The following BTN3A2 variants were observed in gnomAD, a reference collection of about 807,000 sequenced individuals.
BTN3A2 encodes the protein butyrophilin subfamily 3 member A2.
A neutral mutation model predicts 37.6 loss-of-function variants in BTN3A2; 25 were observed. That is an observed-to-expected ratio of 0.66 (90% confidence interval 0.48 to 0.93). The LOEUF is 0.93. Ranked by LOEUF, BTN3A2 falls within the 40% of genes least tolerant of loss-of-function variation. The probability of loss-of-function intolerance (pLI) is 0.00; values close to 1 mark genes in which losing one functional copy is unlikely to be tolerated. For synonymous variants in BTN3A2, 122 were observed against 159.4 expected (o/e 0.77, Z 1.77); for missense variants, 266 against 410.9 (o/e 0.65, Z 3.05).
rs1349439489 is a variant in BTN3A2, at chr6:26,368,016, G to C, written c.-40G>C. 6.9e-7 allele frequency: 1 copy of C among 1,444,724 alleles called. No homozygotes were observed. The highest frequency in any genetic ancestry group is 2.5e-5 in the East Asian group (1 of 40,006). 89.5% of individuals were successfully genotyped at this position (1,444,724 alleles called of 1,614,324 possible). ...TGGTTTTCCATACTGGAACCCAAAG[G>C]TAAAGACACTCAAGGACAGACATTT... On this transcript the variant is annotated 5_prime_UTR_variant, in exon 2 of 11. Coordinates refer to ENST00000377708, the MANE Select transcript of BTN3A2 (RefSeq NM_007047.5).
rs1489186077 is a variant in BTN3A2 at position 26,377,273 on chromosome 6, A to G, written c.*1511A>G. On this transcript the variant is annotated 3_prime_UTR_variant, in exon 11 of 11. Transcript: ENST00000377708. ...CCCTCCACAACAGCCAGTCAGAACC[A>G]TAAAGCTACAGGCACACACTGAAGC... The G allele has an allele frequency of 8.9e-6, 7 of 782,750 alleles. No individual in the cohort carries two copies. The highest frequency in any genetic ancestry group is 2.6e-5 in the East Asian group (1 of 39,066). 48.5% of individuals were successfully genotyped at this position (782,750 alleles called of 1,614,324 possible). A position where few individuals can be genotyped will look rare whatever the true frequency, so the allele number is the denominator to read the frequency against.
intron 1 of BTN3A2, among the ~76,000 whole-genome samples, chr6:26,366,359 A>C (rs967292554): frequency 1.3e-5 from 2 of 152,242 alleles, no homozygotes; most frequent in African/African-American, 4.8e-5. Flanking sequence ...GGGGGCAAAT[A>C]ATACAACATT....
At chr6:26,371,201 G>A (rs1760077378) in intron 5 of BTN3A2, among the ~76,000 whole-genome samples, 1 of 152,144 alleles carries the variant, frequency 6.6e-6, no homozygotes, top group Non-Finnish European at 1.5e-5. Flanking sequence ...GGCAGACGTT[G>A]CAGTGAGTGA....
Position 26,375,948 on chromosome 6 carries a change from T to A in BTN3A2, c.*186T>A. 1 of 1,294,364 alleles carries A rather than the reference T, an allele frequency of 7.7e-7. No homozygotes were observed. Among genetic ancestry groups the A allele is most frequent in the Non-Finnish European group, 1.1e-6 (1 of 931,364 alleles). The allele number at this position is 1,294,364 out of a possible 1,614,324, so 80.2% of individuals were successfully genotyped here. Reference sequence around the variant, plus strand: ...GAGGGCCAGCACAGCAGCTCATGCCTGTAATCCTAGCACTTTGGAAGGCTG... The same window carrying A: ...GAGGGCCAGCACAGCAGCTCATGCCAGTAATCCTAGCACTTTGGAAGGCTG... On this transcript the variant is annotated 3_prime_UTR_variant, in exon 11 of 11. Transcript: ENST00000377708.
intron 1 of BTN3A2, among the ~76,000 whole-genome samples, chr6:26,367,024 T>C (rs1759575617): frequency 6.6e-6 from 1 of 152,264 alleles, no homozygotes; most frequent in African/African-American, 2.4e-5. Flanking sequence ...AATTTTCAGT[T>C]TAGCATCCAT....
In BTN3A2 at chr6:26,373,397, A is replaced by C. The variant is rs762255812; in HGVS notation, c.948A>C (p.Lys316Asn). 1.9e-6 allele frequency: 3 copies of C among 1,601,996 alleles called. No homozygotes were observed. The highest frequency in any genetic ancestry group is 1.7e-6 in the Non-Finnish European group (2 of 1,176,756). Residue 316 changes from lysine (K) to asparagine (N), a missense_variant, in exon 8 of 11, where the codon AAA (lysine) becomes AAC (asparagine). By Grantham distance (94) the Lys-to-Asn change is moderately conservative. Coordinates refer to ENST00000377708, the MANE Select transcript of BTN3A2 (RefSeq NM_007047.5). The part of the protein sequence containing the change: ...ESLQEELKRK[K>N]IQYLTRGEES... ...TTCATTCCATTGCAGAGAGGAAAAA[A>C]ATCCAGTACTTGACTCGTGAGTGGC...
intron 10 of BTN3A2, 89 bp from the exon 11 acceptor site, chr6:26,375,708 G>A: frequency 2.0e-6 from 3 of 1,536,554 alleles, no homozygotes. Context: ...AAGATGAGGA[G>A]CTTCCTTCAT....
chr6:26,375,998 A>T lies in BTN3A2; in HGVS notation c.*236A>T. On this transcript the variant is annotated 3_prime_UTR_variant, in exon 11 of 11. Coordinates refer to ENST00000377708, the MANE Select transcript of BTN3A2 (RefSeq NM_007047.5). ...GAGGAGGGCGGATCACAAGGTCAGG[A>T]GATCAAGACCATCCTGGCTAACACG... is the stretch of plus-strand genomic sequence containing the variant. The T allele has an allele frequency of 1.3e-6, 1 of 756,858 alleles. No individual in the cohort carries two copies. Among genetic ancestry groups the T allele is most frequent in the South Asian group, 2.0e-5 (1 of 49,928 alleles). The allele number at this position is 756,858 out of a possible 1,614,324, so 46.9% of individuals were successfully genotyped here. A position where few individuals can be genotyped will look rare whatever the true frequency, so the allele number is the denominator to read the frequency against.
In BTN3A2 at chr6:26,375,971, C is replaced by A; in HGVS notation, c.*209C>A. On this transcript the variant is annotated 3_prime_UTR_variant, in exon 11 of 11. Coordinates refer to ENST00000377708, the MANE Select transcript of BTN3A2 (RefSeq NM_007047.5). ...CCTGTAATCCTAGCACTTTGGAAGG[C>A]TGAGGAGGGCGGATCACAAGGTCAG... 1.9e-6 allele frequency: 2 copies of A among 1,052,538 alleles called. No individual in the cohort carries two copies. Among genetic ancestry groups the A allele is most frequent in the Non-Finnish European group, 2.7e-6 (2 of 729,094 alleles). The allele number at this position is 1,052,538 out of a possible 1,614,324, so 65.2% of individuals were successfully genotyped here.
rs1210794368 is a variant in BTN3A2, at chr6:26,378,286, G to C, written c.*2524G>C. The stretch of plus-strand genomic sequence containing the variant: ...GGCAAGTGCTTGTCAAGTTCTAGTT[G>C]TTCAATAAATTTGTTAATAATGCTG... On this transcript the variant is annotated 3_prime_UTR_variant, in exon 11 of 11. Coordinates refer to ENST00000377708, the MANE Select transcript of BTN3A2 (RefSeq NM_007047.5). 1 of 152,072 alleles carries C rather than the reference G, an allele frequency of 6.6e-6. No homozygotes were observed. The highest frequency in any genetic ancestry group is 2.4e-5 in the African/African-American group (1 of 41,370). The allele number at this position is 152,072 out of a possible 1,614,324, so 9.4% of individuals were successfully genotyped here.
At position 26,373,358 on chromosome 6, in the gene BTN3A2, ATGACTCTTCCC is replaced by A; in HGVS notation, c.938-26_938-16del. 2 of 1,598,350 alleles carry A rather than the reference ATGACTCTTCCC, an allele frequency of 1.3e-6. No individual in the cohort carries two copies. Among genetic ancestry groups the A allele is most frequent in the Non-Finnish European group, 1.7e-6 (2 of 1,176,690 alleles). ...TCCTATCCTCGCTTTGAGCACCTTGATGACTCTTCCCTGTTCATTCCATTGCAGAGAGGAAA... is the reference window on the plus strand; with the variant it reads ...TCCTATCCTCGCTTTGAGCACCTTGATGTTCATTCCATTGCAGAGAGGAAA... On this transcript the variant is annotated intron_variant, in intron 7 of 10. Transcript: ENST00000377708.
In BTN3A2 at chr6:26,368,686, T is replaced by C; in HGVS notation, c.207T>C (p.Ser69=). The C allele has an allele frequency of 6.2e-7, 1 of 1,614,042 alleles. No individual in the cohort carries two copies. Among genetic ancestry groups the C allele is most frequent in the Non-Finnish European group, 8.5e-7 (1 of 1,179,878 alleles). ...SAETMELKWV[S]SSLRQVVNVY... ...AGACCATGGAGCTGAAGTGGGTAAG[T>C]TCCAGCCTAAGGCAGGTGGTGAACG... The change falls in exon 4 of 11, where the codon AGT becomes AGC. Residue 69 remains serine, a synonymous_variant. Transcript: ENST00000377708.
chr6:26,372,104 C>A (rs1048401934), intron 5 of BTN3A2, among the ~76,000 whole-genome samples: 14 of 152,174 alleles, frequency 9.2e-5, no homozygotes, highest in African/African-American at 3.4e-4. Flanking sequence ...AGAAGCAATT[C>A]TCTCTATACT....
rs1364635960 is a variant in BTN3A2, at chr6:26,368,342, C to T, written c.85+75C>T. 7 of 1,556,766 alleles carry T rather than the reference C, an allele frequency of 4.5e-6. No individual in the cohort carries two copies. In the East Asian group the frequency reaches 1.3e-4, roughly 30 times the overall value. ...TATCTCAATTACCTAATTAAGCAGA[C>T]AATTACCTAAATGCCCTCTTAGAAC... is the stretch of plus-strand genomic sequence containing the variant. On this transcript the variant is annotated intron_variant, in intron 3 of 10. Coordinates refer to ENST00000377708, the MANE Select transcript of BTN3A2 (RefSeq NM_007047.5).
Position 26,368,861 on chromosome 6 carries a change from T to A in BTN3A2, c.382T>A (p.Phe128Ile). 1 of 1,598,040 alleles carries A rather than the reference T, an allele frequency of 6.3e-7. No individual in the cohort carries two copies. The highest frequency in any genetic ancestry group is 8.5e-7 in the Non-Finnish European group (1 of 1,169,764). The change falls in exon 4 of 11, where the codon TTC becomes ATC. Residue 128 changes from phenylalanine to isoleucine, a missense_variant. Coordinates refer to ENST00000377708, the MANE Select transcript of BTN3A2 (RefSeq NM_007047.5). ...ASDSGKYLCY[F>I]QDGDFYEKAL... ...TGACAGTGGAAAGTACTTGTGTTATTTCCAAGATGGTGACTTCTATGAAAA... is the reference window on the plus strand; with the variant it reads ...TGACAGTGGAAAGTACTTGTGTTATATCCAAGATGGTGACTTCTATGAAAA...
chr6:26,376,322 C>G lies in BTN3A2; in HGVS notation c.*560C>G. The G allele has an allele frequency of 4.6e-6, 1 of 216,288 alleles. No individual in the cohort carries two copies. The highest frequency in any genetic ancestry group is 9.2e-6 in the Non-Finnish European group (1 of 108,958). The allele number at this position is 216,288 out of a possible 1,614,324, so 13.4% of individuals were successfully genotyped here. ...AACAACAAAAATGTAGAAAGAGGAT[C>G]CTTGTTGCTTCTTGGGGCCGCATCA... On this transcript the variant is annotated 3_prime_UTR_variant, in exon 11 of 11. Coordinates refer to ENST00000377708, the MANE Select transcript of BTN3A2 (RefSeq NM_007047.5).
intron 1 of BTN3A2, among the ~76,000 whole-genome samples, chr6:26,366,092 T>C (rs1420042934): frequency 6.6e-6 from 1 of 152,202 alleles, no homozygotes; most frequent in African/African-American, 2.4e-5. Context: ...GGTTACAAGC[T>C]ACTACATTGT....
rs11758089 is a variant in BTN3A2, at chr6:26,374,321, T to C, written c.965-6T>C. 242,195 of 1,609,844 alleles carry C rather than the reference T, an allele frequency of 0.15. 19,676 individuals carry two copies. The highest frequency in any genetic ancestry group is 0.22 in the Middle Eastern group (1,344 of 6,022). On this transcript the variant is annotated splice_region_variant and splice_polypyrimidine_tract_variant and intron_variant, in intron 8 of 10. Transcript: ENST00000377708. ...TGGTGACACCTCTACCTTTCTTTCA[T>C]TGTAGGTGGAGAGGAGTCTTCGTCC...
chr6:26,375,038 T>C, intron 10 of BTN3A2: 1 of 411,162 alleles, frequency 2.4e-6, no homozygotes, highest in Non-Finnish European at 4.3e-6. Context: ...AAGAACTTTG[T>C]CCTTCCCAGG....
Sources: gnomAD v4.1 joint callset for allele counts (sites outside exome capture counted in the v4.1 genomes callset) on GRCh38, gnomAD v4.1.1 for gene constraint, MANE v1.5 for transcripts, NCBI Gene and HGNC (gene_info 2026-07-23, HGNC 2026-07-21) for gene names.